RYR3: variants seen among roughly 807,000 people sequenced by gnomAD.
RYR3 encodes brain ryanodine receptor-calcium release channel.
In RYR3, 207 loss-of-function variants were observed where a neutral mutation model predicts 584.3. That is an observed-to-expected ratio of 0.35 (90% CI 0.32 to 0.40). The LOEUF (loss-of-function observed/expected upper bound fraction) is 0.40, where lower values mean the gene tolerates loss of function less well. Among genes scored for constraint, RYR3 ranks in the 10% least tolerant of loss-of-function variants. RYR3 has a pLI of 1.00. For missense variants in RYR3, 5,616 were observed against 6,089.2 expected (o/e 0.92, Z 2.59); for synonymous variants, 2,416 against 2,248.5 (o/e 1.07, Z -2.11).
intron 70 of RYR3, among the ~76,000 whole-genome samples, chr15:33,808,630 C>T (rs770365335): frequency 2.6e-5 from 4 of 152,198 alleles, no homozygotes; most frequent in South Asian, 4.1e-4. Context: ...AGGGTAATTT[C>T]GACTATAAAT....
At chr15:33,332,780 A>G (rs148416187) in intron 1 of RYR3, among the ~76,000 whole-genome samples, 5 of 152,262 alleles carry the variant, frequency 3.3e-5, no homozygotes, top group Non-Finnish European at 5.9e-5. Context: ...AATACCATAT[A>G]GCAAAATATA....
At chr15:33,552,220 A>G (rs891257665) in intron 10 of RYR3, among the ~76,000 whole-genome samples, 2 of 152,132 alleles carry the variant, frequency 1.3e-5, no homozygotes, top group Admixed American at 6.5e-5. Context: ...TTCTTGGCTC[A>G]GCCTTGTGGA....
intron 67 of RYR3, among the ~76,000 whole-genome samples, chr15:33,790,306 G>A (rs1357238500): frequency 6.6e-6 from 1 of 151,844 alleles, no homozygotes; most frequent in Non-Finnish European, 1.5e-5. Flanking sequence ...TTGTTTGTTT[G>A]TTTGTTTGTT....
Position 33,838,938 on chromosome 15 carries a change from CAGA to C in RYR3, c.12965_12967del (p.Lys4322del), listed in dbSNP as rs773002686. 1.6e-5 allele frequency: 26 copies of C among 1,610,522 alleles called. No homozygotes were observed. Among genetic ancestry groups the C allele is most frequent in the Non-Finnish European group, 2.1e-5 (25 of 1,178,632 alleles). On this transcript the variant is annotated inframe_deletion, in exon 89 of 104. Coordinates refer to ENST00000634891, the MANE Select transcript of RYR3 (RefSeq NM_001036.6). The stretch of plus-strand genomic sequence containing the variant: ...ACCCCCTACATTAGAGAGTACTGTA[CAGA>C]AGAAGAGGAAAGCTCAGGTAAGTGT...
chr15:33,550,631 T>C (rs2056609064), intron 10 of RYR3, among the ~76,000 whole-genome samples: 1 of 152,228 alleles, frequency 6.6e-6, no homozygotes, highest in Admixed American at 6.5e-5. Flanking sequence ...TTCTGAGTTG[T>C]CTTTGATAAA....
intron 1 of RYR3, among the ~76,000 whole-genome samples, chr15:33,381,415 A>G (rs1000625262): frequency 2.7e-5 from 4 of 147,062 alleles, no homozygotes; most frequent in Non-Finnish European, 4.5e-5. Flanking sequence ...CAGGTGCTCA[A>G]TAAACACATA....
intron 3 of RYR3, among the ~76,000 whole-genome samples, chr15:33,504,600 A>G (rs999725302): frequency 6.6e-6 from 1 of 152,118 alleles, no homozygotes; most frequent in African/African-American, 2.4e-5. Flanking sequence ...TGCAAATACA[A>G]TTATTACAGT....
At chr15:33,814,624 C>T (rs536462790) in intron 74 of RYR3, among the ~76,000 whole-genome samples, 110 of 152,174 alleles carry the variant, frequency 7.2e-4, no homozygotes, top group African/African-American at 1.9e-3. Flanking sequence ...CTCCGCCGGG[C>T]GCAGTGGCTC....
intron 42 of RYR3, among the ~76,000 whole-genome samples, chr15:33,704,997 C>T (rs1200863053): frequency 6.6e-6 from 1 of 152,096 alleles, no homozygotes. Context: ...GGAGTTTCTT[C>T]CTTCTATTGA....
At chr15:33,768,520 C>T in intron 60 of RYR3, 138 bp from the exon 61 acceptor site, 1 of 743,230 alleles carries the variant, frequency 1.3e-6, no homozygotes, top group South Asian at 1.6e-5. Flanking sequence ...GGATTCTTTG[C>T]TAGGAACATA....
chr15:33,690,335 G>A (rs1476402799), intron 38 of RYR3, among the ~76,000 whole-genome samples: 5 of 152,218 alleles, frequency 3.3e-5, no homozygotes, highest in Admixed American at 2.0e-4. Flanking sequence ...AGCCCTTCAG[G>A]CTAGCAGGTT....
At chr15:33,432,422 G>T (rs1434999868) in intron 1 of RYR3, among the ~76,000 whole-genome samples, 1 of 151,614 alleles carries the variant, frequency 6.6e-6, no homozygotes, top group Non-Finnish European at 1.5e-5. Flanking sequence ...AAAATTTGAG[G>T]TTCCAAGACT....
At chr15:33,663,772 A>C in intron 36 of RYR3, 35 bp downstream of exon 36, 1 of 1,549,908 alleles carries the variant, frequency 6.5e-7, no homozygotes, top group Non-Finnish European at 8.8e-7. Context: ...TCCAGTTCCT[A>C]TGGAAGAACT....
intron 8 of RYR3, among the ~76,000 whole-genome samples, chr15:33,547,614 C>T (rs2056345381): frequency 6.6e-6 from 1 of 152,136 alleles, no homozygotes. Flanking sequence ...AAGGAAGCAA[C>T]AGTACAGTAA....
intron 1 of RYR3, among the ~76,000 whole-genome samples, chr15:33,370,915 C>T (rs549874318): frequency 6.6e-6 from 1 of 152,270 alleles, no homozygotes; most frequent in African/African-American, 2.4e-5. Context: ...GAGATATAGA[C>T]ACAAGAATGG....
chr15:33,853,496 C>G (rs80170683), intron 95 of RYR3, 59 bp from the exon 96 acceptor site: 45,071 of 1,585,810 alleles, frequency 0.028, 2,160 homozygotes, highest in East Asian at 0.24. Context: ...GACCCCAGAG[C>G]TAGAAAATAT....
intron 18 of RYR3, among the ~76,000 whole-genome samples, chr15:33,607,952 G>C: frequency 6.6e-6 from 1 of 152,132 alleles, no homozygotes; most frequent in African/African-American, 2.4e-5. Context: ...TAGGTAACTT[G>C]AGTCCACAAA....
intron 47 of RYR3, 63 bp from the exon 48 acceptor site, chr15:33,731,411 G>A (rs934904766): frequency 8.2e-7 from 1 of 1,222,026 alleles, no homozygotes. Context: ...GGAACTCTGT[G>A]CAGAGCCAGC....
At chr15:33,623,426 T>C (rs1169733887) in intron 19 of RYR3, among the ~76,000 whole-genome samples, 1 of 140,502 alleles carries the variant, frequency 7.1e-6, no homozygotes, top group African/African-American at 2.4e-5. Context: ...GTTGAAGTTA[T>C]CACACTGTAA....
Sources: gnomAD v4.1 joint callset for allele counts (sites outside exome capture counted in the v4.1 genomes callset) on GRCh38, gnomAD v4.1.1 for gene constraint, MANE v1.5 for transcripts, NCBI Gene and HGNC (gene_info 2026-07-23, HGNC 2026-07-21) for gene names.